Variants in SSBP2 observed in about 807,000 individuals in gnomAD.
The protein encoded by SSBP2 is single stranded DNA binding protein 2.
SSBP2 carries 17 observed loss-of-function variants against 61.8 expected under a neutral mutation model. That is an observed-to-expected ratio of 0.28 (90% CI 0.19 to 0.41). The LOEUF (loss-of-function observed/expected upper bound fraction) is 0.41. Among genes scored for constraint, SSBP2 ranks in the 10% least tolerant of loss-of-function variants. The probability of loss-of-function intolerance (pLI) is 1.00; values close to 1 mark genes in which losing one functional copy is unlikely to be tolerated. For missense variants in SSBP2, 310 were observed against 458.7 expected, an observed-to-expected ratio of 0.68 and a Z score of 2.96; for synonymous variants, 139 against 141.3, an observed-to-expected ratio of 0.98 and a Z score of 0.12.
In SSBP2 at chr5:81,559,258, G is replaced by A. The variant is rs1162165883; in HGVS notation, c.283-45541C>T. On this transcript the variant is annotated intron_variant, in intron 4 of 16. Coordinates refer to ENST00000320672, the MANE Select transcript of SSBP2 (RefSeq NM_012446.5). ...AAAAATCAGCCGGGCGTGGTGGGCC[G>A]TGCCTGTAATCCCAGCTATTCAGGA... 1.3e-4 allele frequency among the ~76,000 whole-genome samples: 20 copies of A among 152,080 alleles called. No individual in the cohort carries two copies. In the East Asian group the frequency reaches 2.5e-3, roughly 19 times the overall value.
rs1383306386 is a variant in SSBP2 at position 81,712,530 on chromosome 5, A to G, written c.62+38451T>C. 1.7e-4 allele frequency among the ~76,000 whole-genome samples: 2 copies of G among 12,070 alleles called. 1 individual carries two copies. Among genetic ancestry groups the G allele is most frequent in the East Asian group, 2.6e-3 (2 of 772 alleles). The allele number at this position is 12,070 out of a possible 152,430, so 7.9% of individuals were successfully genotyped here. A position where few individuals can be genotyped will look rare whatever the true frequency, so the allele number is the denominator to read the frequency against. On this transcript the variant is annotated intron_variant, in intron 1 of 16. Transcript: ENST00000320672. Reference sequence around the variant, plus strand: ...GCAGGAGAATGGCGTGAACCCGGGAAGCGGAGCTTGCAGTGAGCCGAGATT... The same window carrying G: ...GCAGGAGAATGGCGTGAACCCGGGAGGCGGAGCTTGCAGTGAGCCGAGATT...
At chr5:81,703,392 A>G (rs986703766) in intron 1 of SSBP2, among the ~76,000 whole-genome samples, 1 of 152,092 alleles carries the variant, frequency 6.6e-6, no homozygotes, top group African/African-American at 2.4e-5. Flanking sequence ...TGTTAGATGG[A>G]CACTCAAAAT....
At chr5:81,441,136 T>A (rs972766517) in intron 13 of SSBP2, among the ~76,000 whole-genome samples, 1 of 152,252 alleles carries the variant, frequency 6.6e-6, no homozygotes, top group African/African-American at 2.4e-5. Flanking sequence ...ATACATTTCA[T>A]TCCTTGGGGA....
chr5:81,448,906 T>A, intron 10 of SSBP2, 81 bp from the exon 11 acceptor site: 1 of 1,168,998 alleles, frequency 8.6e-7, no homozygotes, highest in Non-Finnish European at 1.3e-6. Flanking sequence ...ATTTCATGAT[T>A]TTTTGTCAAG....
At chr5:81,424,680 C>G (rs1761843619) in intron 16 of SSBP2, among the ~76,000 whole-genome samples, 1 of 152,162 alleles carries the variant, frequency 6.6e-6, no homozygotes, top group Admixed American at 6.5e-5. Flanking sequence ...GGGGAAATAA[C>G]AAAATTTCTA....
intron 1 of SSBP2, among the ~76,000 whole-genome samples, chr5:81,694,626 T>C (rs1406651095): frequency 6.6e-6 from 1 of 152,100 alleles, no homozygotes; most frequent in Admixed American, 6.5e-5. Context: ...CCATTCAGTC[T>C]CTATCCTCCA....
At chr5:81,547,312 T>C (rs1771812370) in intron 4 of SSBP2, among the ~76,000 whole-genome samples, 1 of 152,192 alleles carries the variant, frequency 6.6e-6, no homozygotes, top group South Asian at 2.1e-4. Context: ...TGCACATAGA[T>C]ATTTGTAGCA....
intron 1 of SSBP2, among the ~76,000 whole-genome samples, chr5:81,666,493 G>T (rs1751148086): frequency 6.6e-6 from 1 of 152,154 alleles, no homozygotes; most frequent in South Asian, 2.1e-4. Context: ...GGTGTGGCCA[G>T]AAATGTAAAC....
chr5:81,475,076 G>A (rs1001808120), intron 6 of SSBP2, among the ~76,000 whole-genome samples: 5 of 152,228 alleles, frequency 3.3e-5, no homozygotes, highest in Non-Finnish European at 5.9e-5. Flanking sequence ...AGCAATTTGC[G>A]TGTACGGAAA....
chr5:81,513,549 T>C, intron 5 of SSBP2, 79 bp downstream of exon 5: 1 of 881,194 alleles, frequency 1.1e-6, no homozygotes, highest in Non-Finnish European at 1.8e-6. Context: ...AAAATAGCCT[T>C]ATCTTCCTTC....
intron 5 of SSBP2, among the ~76,000 whole-genome samples, chr5:81,507,637 G>C (rs539984815): frequency 6.6e-6 from 1 of 152,190 alleles, no homozygotes; most frequent in East Asian, 1.9e-4. Context: ...TTATTAGAGT[G>C]ATAAGGAAGT....
At chr5:81,713,817 G>A (rs998995669) in intron 1 of SSBP2, among the ~76,000 whole-genome samples, 7 of 151,794 alleles carry the variant, frequency 4.6e-5, no homozygotes, top group Non-Finnish European at 7.4e-5. Flanking sequence ...ACAAATAATA[G>A]GTAAAGAGAA....
rs186552940 is a variant in SSBP2 at position 81,493,482 on chromosome 5, G to A, written c.373-4173C>T. On this transcript the variant is annotated intron_variant, in intron 5 of 16. Transcript: ENST00000320672. ...TAAAAAAAAAAATTGCAGGCCGGAC[G>A]TGGTGACTCACACCTGTAATCCCAA... 9.2e-5 allele frequency among the ~76,000 whole-genome samples: 14 copies of A among 152,168 alleles called. No individual in the cohort carries two copies. The East Asian group carries it at 2.7e-3, about 29-fold the overall frequency.
chr5:81,494,050 C>A (rs79922239), intron 5 of SSBP2, among the ~76,000 whole-genome samples: 2,252 of 152,226 alleles, frequency 0.015, 58 homozygotes, highest in African/African-American at 0.052. Flanking sequence ...TATAAAAATT[C>A]TTTTCTACAT....
At chr5:81,579,293 T>C (rs1482847310) in intron 4 of SSBP2, among the ~76,000 whole-genome samples, 1 of 152,040 alleles carries the variant, frequency 6.6e-6, no homozygotes, top group Non-Finnish European at 1.5e-5. Context: ...GTGATTTTAG[T>C]TATTTTCAAA....
At chr5:81,543,283 TAA>T (rs979170308) in intron 4 of SSBP2, among the ~76,000 whole-genome samples, 38 of 152,342 alleles carry the variant, frequency 2.5e-4, no homozygotes, top group African/African-American at 8.9e-4. Context: ...CCTTTGTTTA[TAA>T]ATTACCCAGT....
chr5:81,656,897 A>C (rs926688265), intron 1 of SSBP2, among the ~76,000 whole-genome samples: 1 of 152,138 alleles, frequency 6.6e-6, no homozygotes, highest in Admixed American at 6.6e-5. Flanking sequence ...TGAAAAAGTC[A>C]TAAGTTTTTT....
At position 81,650,312 on chromosome 5, in the gene SSBP2, C is replaced by G. The variant is rs1749618892; in HGVS notation, c.90G>C (p.Leu30=). 1 of 1,589,974 alleles carries G rather than the reference C, an allele frequency of 6.3e-7. No homozygotes were observed. Among genetic ancestry groups the G allele is most frequent in the East Asian group, 2.3e-5 (1 of 43,972 alleles). Reference sequence around the variant, plus strand: ...CTGATTTCTGAGCTCCTACATGGAGCAGATATTCATATACGTAGAGTGCTA... The same window carrying G: ...CTGATTTCTGAGCTCCTACATGGAGGAGATATTCATATACGTAGAGTGCTA... The change falls in exon 2 of 17, where the codon CTG becomes CTC. Residue 30 remains leucine, a synonymous_variant. Transcript: ENST00000320672.
Position 81,466,196 on chromosome 5 carries a change from C to T in SSBP2, c.638+778G>A, listed in dbSNP as rs191655641. Among the ~76,000 whole-genome samples, 40 of 152,036 alleles carry T rather than the reference C, an allele frequency of 2.6e-4. No individual in the cohort carries two copies. In the East Asian group the frequency reaches 7.3e-3, roughly 28 times the overall value. On this transcript the variant is annotated intron_variant, in intron 9 of 16. Transcript: ENST00000320672. ...CTTTAGGCCACATCATGAAACTGAT[C>T]CTCTTGTGAATTAATGAAAGTCACT...
Sources: gnomAD v4.1 joint callset for allele counts (sites outside exome capture counted in the v4.1 genomes callset) on GRCh38, gnomAD v4.1.1 for gene constraint, MANE v1.5 for transcripts, NCBI Gene and HGNC (gene_info 2026-07-23, HGNC 2026-07-21) for gene names.